The following JARID2 variants were observed in gnomAD, a reference collection of about 807,000 sequenced individuals.
JARID2 encodes protein Jumonji.
In JARID2, 21 loss-of-function variants were observed where a neutral mutation model predicts 125.6. That is an observed-to-expected ratio of 0.17 (90% CI 0.12 to 0.24). The LOEUF is 0.24. Among genes scored for constraint, JARID2 ranks in the 10% least tolerant of loss-of-function variants. The pLI, the probability that JARID2 is intolerant of heterozygous loss-of-function variation, is 1.00. For missense variants in JARID2, 1,303 were observed against 1,639.6 expected, an observed-to-expected ratio of 0.79 and a Z score of 3.55; for synonymous variants, 736 against 661.6, an observed-to-expected ratio of 1.11 and a Z score of -1.73.
intron 1 of JARID2, among the ~76,000 whole-genome samples, chr6:15,310,457 T>A (rs946276060): frequency 1.3e-5 from 2 of 152,192 alleles, no homozygotes; most frequent in African/African-American, 4.8e-5. Flanking sequence ...GTGATTTACA[T>A]AGGAAAATGC....
intron 2 of JARID2, among the ~76,000 whole-genome samples, chr6:15,380,531 G>T (rs2127526292): frequency 6.6e-6 from 1 of 152,214 alleles, no homozygotes; most frequent in East Asian, 1.9e-4. Flanking sequence ...TCCTCACTTA[G>T]AGTTTTGTGT....
intron 1 of JARID2, among the ~76,000 whole-genome samples, chr6:15,249,797 T>A (rs1326089866): frequency 1.3e-5 from 2 of 152,202 alleles, no homozygotes; most frequent in Non-Finnish European, 1.5e-5. Flanking sequence ...ATAAATGATG[T>A]CCTTGAGAAA....
chr6:15,275,134 G>C (rs1176169734), intron 1 of JARID2, among the ~76,000 whole-genome samples: 17 of 152,196 alleles, frequency 1.1e-4, no homozygotes, highest in Admixed American at 1.1e-3. Context: ...GCAGCAGGAA[G>C]AGCTGTTTGA....
intron 2 of JARID2, chr6:15,400,871 C>G (rs1206654920): frequency 1.6e-6 from 2 of 1,286,928 alleles, no homozygotes; most frequent in Non-Finnish European, 2.0e-6. Context: ...TGCTCCGGAG[C>G]CTGCCTCACT....
At chr6:15,505,945 A>C (rs1770985086) in intron 9 of JARID2, among the ~76,000 whole-genome samples, 1 of 152,244 alleles carries the variant, frequency 6.6e-6, no homozygotes, top group African/African-American at 2.4e-5. Context: ...TTGCCAAACA[A>C]CACGTGTCCT....
chr6:15,486,786 CTT>C (rs1332861491), intron 5 of JARID2, among the ~76,000 whole-genome samples: 1 of 129,032 alleles, frequency 7.8e-6, no homozygotes, highest in Non-Finnish European at 1.6e-5. Flanking sequence ...AAATGCATCT[CTT>C]TTAAATCTGA....
chr6:15,380,470 G>A (rs1279018970), intron 2 of JARID2, among the ~76,000 whole-genome samples: 2 of 152,152 alleles, frequency 1.3e-5, no homozygotes, highest in African/African-American at 4.8e-5. Context: ...CTGTGAATTG[G>A]TTTCCTCCTC....
chr6:15,468,809 G>A (rs1475136285), intron 5 of JARID2, 91 bp downstream of exon 5: 4 of 1,170,534 alleles, frequency 3.4e-6, no homozygotes, highest in Admixed American at 2.4e-5. Context: ...ATGAGATGAA[G>A]GCAAAGCTCG....
chr6:15,259,258 G>A (rs144580091), intron 1 of JARID2, among the ~76,000 whole-genome samples: 1 of 152,310 alleles, frequency 6.6e-6, no homozygotes, highest in East Asian at 1.9e-4. Flanking sequence ...TACCTAAATT[G>A]CCTCCTTTTC....
chr6:15,431,142 C>T (rs951977449), intron 3 of JARID2, among the ~76,000 whole-genome samples: 2 of 152,136 alleles, frequency 1.3e-5, no homozygotes, highest in African/African-American at 4.8e-5. Flanking sequence ...TAATTTCTCT[C>T]CTGATTATCA....
chr6:15,471,576 G>T (rs1215154288), intron 5 of JARID2, among the ~76,000 whole-genome samples: 1 of 152,148 alleles, frequency 6.6e-6, no homozygotes, highest in Non-Finnish European at 1.5e-5. Context: ...TTGATCAGTT[G>T]AGTTAATCCC....
At chr6:15,506,321 T>A (rs1391069329) in intron 9 of JARID2, among the ~76,000 whole-genome samples, 1 of 152,184 alleles carries the variant, frequency 6.6e-6, no homozygotes, top group Non-Finnish European at 1.5e-5. Context: ...GTTGAGGGAA[T>A]CCAGTCATTT....
chr6:15,326,392 G>A (rs1249338508), intron 1 of JARID2, among the ~76,000 whole-genome samples: 1 of 152,152 alleles, frequency 6.6e-6, no homozygotes, highest in African/African-American at 2.4e-5. Context: ...TTGGTAGATG[G>A]GGTCTCACTA....
chr6:15,510,586 G>A (rs148836194), intron 12 of JARID2, among the ~76,000 whole-genome samples: 100 of 152,318 alleles, frequency 6.6e-4, no homozygotes, highest in Non-Finnish European at 1.1e-3. Flanking sequence ...GCCACCCTCT[G>A]ACAGAGGCCT....
At chr6:15,473,477 C>T (rs558551841) in intron 5 of JARID2, among the ~76,000 whole-genome samples, 2 of 131,776 alleles carry the variant, frequency 1.5e-5, no homozygotes, top group South Asian at 5.3e-4. Flanking sequence ...GGTGATGCTA[C>T]CTGGGTGACT....
intron 6 of JARID2, among the ~76,000 whole-genome samples, chr6:15,490,943 A>T (rs1050169015): frequency 6.6e-6 from 1 of 152,176 alleles, no homozygotes; most frequent in Non-Finnish European, 1.5e-5. Context: ...GTGAGAAGAA[A>T]ATGATCAACT....
At chr6:15,494,493 C>G (rs1301153177) in intron 6 of JARID2, among the ~76,000 whole-genome samples, 1 of 140,658 alleles carries the variant, frequency 7.1e-6, no homozygotes, top group African/African-American at 2.6e-5. Flanking sequence ...ACTGCAAACT[C>G]CACCTCCTGG....
chr6:15,464,433 TC>T (rs1414414877), intron 4 of JARID2, among the ~76,000 whole-genome samples: 1 of 152,218 alleles, frequency 6.6e-6, no homozygotes, highest in Non-Finnish European at 1.5e-5. Context: ...GGAGGTCTGT[TC>T]CTTCTAGGGG....
chr6:15,426,415 C>T lies in JARID2; in HGVS notation c.323+16050C>T, dbSNP rs1037707386. Among the ~76,000 whole-genome samples the T allele has an allele frequency of 2.6e-5, 4 of 152,110 alleles. No homozygotes were observed. The South Asian group carries it at 8.3e-4, about 32-fold the overall frequency. On this transcript the variant is annotated intron_variant, in intron 3 of 17. Coordinates refer to ENST00000341776, the MANE Select transcript of JARID2 (RefSeq NM_004973.4). ...GTTAGTTGATATTCAAAAGGACGCA[C>T]GTGGATGTTGGGCAGGCTGCACATT...
Sources: allele counts gnomAD v4.1 joint callset (sites outside exome capture counted in the v4.1 genomes callset), GRCh38; gene constraint gnomAD v4.1.1; transcripts MANE v1.5; gene names NCBI Gene and HGNC (gene_info 2026-07-23, HGNC 2026-07-21).